DENND4C: variants seen among roughly 807,000 people sequenced by gnomAD.
The protein encoded by DENND4C is DENN domain-containing protein 4C.
A neutral mutation model predicts 203.0 loss-of-function variants in DENND4C; 108 were observed. The ratio of observed to expected loss-of-function variants is 0.53; its 90% confidence interval spans 0.46 to 0.62. The LOEUF (loss-of-function observed/expected upper bound fraction) is 0.62. Among genes scored for constraint, DENND4C ranks in the 20% least tolerant of loss-of-function variants. DENND4C has a pLI of 0.00. For missense variants in DENND4C, 2,481 were observed against 2,301.2 expected (o/e 1.08, Z -1.60); for synonymous variants, 871 against 792.4 (o/e 1.10, Z -1.67).
At chr9:19,330,981 G>A (rs536698864) in intron 16 of DENND4C, among the ~76,000 whole-genome samples, 4 of 151,658 alleles carry the variant, frequency 2.6e-5, no homozygotes, top group African/African-American at 4.8e-5. Flanking sequence ...ACTTGAACCC[G>A]GGAGGCAGTG....
In DENND4C at chr9:19,342,738, C is replaced by A; in HGVS notation, c.3110C>A (p.Pro1037Gln). 1.2e-6 allele frequency: 2 copies of A among 1,611,418 alleles called. No individual in the cohort carries two copies. The highest frequency in any genetic ancestry group is 2.2e-5 in the South Asian group (2 of 90,564). ...TGGGGCAGCAGTATTGTGAAAGTTC[C>A]GTCTGGTATATTTGATGTCAACAGC... ...PAWGSSIVKV[P>Q]SGIFDVNSRK... is the part of the protein sequence containing the mutation. The change falls in exon 22 of 33, where the codon CCG becomes CAG. Residue 1037 changes from proline to glutamine, a missense_variant. Around this residue, in one of 3 missense-constraint regions of DENND4C, gnomAD observed 2,289 missense variants for 2,113.3 expected, o/e 1.08. Transcript: ENST00000434457.
chr9:19,305,270 C>A, intron 9 of DENND4C, 82 bp from the exon 10 acceptor site: 1 of 1,211,606 alleles, frequency 8.3e-7, no homozygotes, highest in Non-Finnish European at 1.1e-6. Context: ...TTTCAGTGGT[C>A]CCTTTTCAGT....
At chr9:19,288,254 A>G (rs1189839832) in intron 3 of DENND4C, among the ~76,000 whole-genome samples, 2 of 152,366 alleles carry the variant, frequency 1.3e-5, no homozygotes, top group Non-Finnish European at 2.9e-5. Flanking sequence ...TGATGACCTC[A>G]TAGTCCTCCA....
intron 22 of DENND4C, among the ~76,000 whole-genome samples, chr9:19,344,781 G>A (rs889661777): frequency 6.6e-6 from 1 of 152,054 alleles, no homozygotes; most frequent in East Asian, 1.9e-4. Context: ...GGGATTACAG[G>A]TGTGAGCCAC....
At chr9:19,309,424 A>G (rs953834231) in intron 10 of DENND4C, among the ~76,000 whole-genome samples, 2 of 147,454 alleles carry the variant, frequency 1.4e-5, no homozygotes, top group African/African-American at 2.5e-5. Flanking sequence ...CTCCATCTCA[A>G]AAAAAAAAAA....
intron 1 of DENND4C, among the ~76,000 whole-genome samples, chr9:19,250,574 A>G (rs1564085967): frequency 6.6e-6 from 1 of 152,026 alleles, no homozygotes; most frequent in African/African-American, 2.4e-5. Flanking sequence ...TCCACAGTCC[A>G]AAGTCTCATC....
intron 10 of DENND4C, among the ~76,000 whole-genome samples, chr9:19,313,550 C>T (rs752876945): frequency 3.9e-5 from 6 of 152,164 alleles, no homozygotes; most frequent in African/African-American, 9.6e-5. Context: ...TATTAGACAG[C>T]GATTACATAA....
chr9:19,251,787 T>C (rs1826667004), intron 1 of DENND4C, among the ~76,000 whole-genome samples: 1 of 152,156 alleles, frequency 6.6e-6, no homozygotes, highest in East Asian at 1.9e-4. Context: ...TCACCTTTGC[T>C]CCAGTTTCCA....
chr9:19,325,292 C>T (rs1204107162), intron 13 of DENND4C, among the ~76,000 whole-genome samples: 1 of 152,002 alleles, frequency 6.6e-6, no homozygotes, highest in African/African-American at 2.4e-5. Context: ...GCTTTACCCA[C>T]CCATCCTAAG....
At chr9:19,337,594 G>GT (rs1379615368) in intron 20 of DENND4C, 19 of 1,267,856 alleles carry the variant, frequency 1.5e-5, no homozygotes, top group Non-Finnish European at 1.7e-5. Flanking sequence ...CATGGTGTGG[G>GT]GTGCAGACAG....
rs1047295410 is a variant in DENND4C at position 19,272,881 on chromosome 9, T to C, written c.-17-3277T>C. On this transcript the variant is annotated intron_variant, in intron 1 of 32. Transcript: ENST00000434457. ...CTCCCGGGTTCAAGTGATTCTCCTGTCTCAGCCTCCTGAGTAGCTGGGATT... is the reference window on the plus strand; with the variant it reads ...CTCCCGGGTTCAAGTGATTCTCCTGCCTCAGCCTCCTGAGTAGCTGGGATT... Among the ~76,000 whole-genome samples the C allele has an allele frequency of 3.9e-3, 579 of 149,252 alleles. 8 individuals are homozygous for C. The highest frequency in any genetic ancestry group is 0.013 in the African/African-American group (539 of 40,254).
intron 26 of DENND4C, among the ~76,000 whole-genome samples, chr9:19,355,219 C>T (rs545941052): frequency 2.3e-4 from 35 of 152,174 alleles, no homozygotes; most frequent in Admixed American, 5.2e-4. Flanking sequence ...CATTCATTGC[C>T]TATTTTTCTA....
At chr9:19,315,199 C>A (rs1841580986) in intron 10 of DENND4C, among the ~76,000 whole-genome samples, 1 of 149,688 alleles carries the variant, frequency 6.7e-6, no homozygotes, top group African/African-American at 2.5e-5. Flanking sequence ...GCCAGACTTT[C>A]AAGGGTACCA....
intron 12 of DENND4C, among the ~76,000 whole-genome samples, chr9:19,317,511 T>C (rs1842057916): frequency 6.6e-6 from 1 of 152,220 alleles, no homozygotes; most frequent in South Asian, 2.1e-4. Context: ...CAATCTTACA[T>C]CTATATCAAT....
At chr9:19,276,131 T>C (rs1401598274) in intron 1 of DENND4C, 27 bp from the exon 2 acceptor site, 1 of 1,136,584 alleles carries the variant, frequency 8.8e-7, no homozygotes, top group African/African-American at 1.6e-5. Flanking sequence ...TTTTATTTTA[T>C]TGGTATCTTT....
chr9:19,234,254 C>G (rs894555151), intron 1 of DENND4C, among the ~76,000 whole-genome samples: 1 of 151,264 alleles, frequency 6.6e-6, no homozygotes, highest in Non-Finnish European at 1.5e-5. Flanking sequence ...TTTTTGAGAC[C>G]GAGTCTCGCT....
At chr9:19,332,821 C>G (rs1819558080) in intron 17 of DENND4C, among the ~76,000 whole-genome samples, 1 of 124,636 alleles carries the variant, frequency 8.0e-6, no homozygotes, top group South Asian at 2.6e-4. Flanking sequence ...CCAGGCTGGT[C>G]TTGAACTCCT....
chr9:19,298,090 C>T lies in DENND4C; in HGVS notation c.1075C>T (p.Pro359Ser). The stretch of plus-strand genomic sequence containing the variant: ...ACATTTTATGCAAAACATCCCTTTT[C>T]CTTCACCACAAAGACCGAGAATCCT... ...ISHFMQNIPF[P>S]SPQRPRILVQ... The change falls in exon 7 of 33, where the codon CCT (proline) becomes TCT (serine). Residue 359 changes from proline (P) to serine (S), a missense_variant. By Grantham distance (74) the Pro-to-Ser change is moderately conservative. Around this residue, in one of 3 missense-constraint regions of DENND4C, gnomAD observed 2,289 missense variants for 2,113.3 expected, o/e 1.08. Transcript: ENST00000434457. The T allele has an allele frequency of 1.2e-6, 2 of 1,609,544 alleles. No individual in the cohort carries two copies. Among genetic ancestry groups the T allele is most frequent in the Non-Finnish European group, 8.5e-7 (1 of 1,177,752 alleles).
chr9:19,286,643 A>G (rs1397830903), intron 2 of DENND4C, 126 bp from the exon 3 acceptor site: 1 of 975,734 alleles, frequency 1.0e-6, no homozygotes, highest in Admixed American at 4.3e-5. Flanking sequence ...GGAGAGACCA[A>G]AAAAATTTTC....
Sources: gnomAD v4.1 joint callset for allele counts (sites outside exome capture counted in the v4.1 genomes callset) on GRCh38, gnomAD v4.1.1 for gene constraint, gnomAD v4.1.1 regional missense constraint, MANE v1.5 for transcripts, NCBI Gene and HGNC (gene_info 2026-07-23, HGNC 2026-07-21) for gene names.